PCDHGA1: variants seen among roughly 807,000 people sequenced by gnomAD.
PCDHGA1 encodes the protein protocadherin gamma-A1.
Under a neutral mutation model 58.0 loss-of-function variants are expected in PCDHGA1, and 32 were observed. The observed-to-expected ratio is 0.55, with a 90% CI of 0.42 to 0.74. PCDHGA1 has a LOEUF of 0.74. Among genes scored for constraint, PCDHGA1 ranks in the 30% least tolerant of loss-of-function variants. PCDHGA1 has a pLI of 0.00. For missense variants in PCDHGA1, 1,205 were observed against 1,182.3 expected (o/e 1.02, Z -0.28); for synonymous variants, 498 against 501.1 (o/e 0.99, Z 0.08).
At chr5:141,351,111 G>A in intron 1 of PCDHGA1, 1 of 1,614,030 alleles carries the variant, frequency 6.2e-7, no homozygotes. Flanking sequence ...TCCCCAATAA[G>A]TACCAGCCTC....
chr5:141,418,095 C>T, intron 1 of PCDHGA1: 1 of 1,614,006 alleles, frequency 6.2e-7, no homozygotes, highest in Non-Finnish European at 8.5e-7. Context: ...AGCGTAGACG[C>T]GCAGAGCGGG....
At chr5:141,400,165 C>T (rs749867110) in intron 1 of PCDHGA1, 2 of 1,614,040 alleles carry the variant, frequency 1.2e-6, no homozygotes, top group South Asian at 2.2e-5. Flanking sequence ...ACCCTCTGAC[C>T]CCCAGGCTGA....
Position 141,372,614 on chromosome 5 carries a change from C to A in PCDHGA1, c.2421+39509C>A, listed in dbSNP as rs759304946. 6.2e-6 allele frequency: 10 copies of A among 1,613,984 alleles called. No individual in the cohort carries two copies. The South Asian group carries it at 8.8e-5, about 14-fold the overall frequency. On this transcript the variant is annotated intron_variant, in intron 1 of 3. Coordinates refer to ENST00000517417, the MANE Select transcript of PCDHGA1 (RefSeq NM_018912.3). Reference sequence around the variant, plus strand: ...GCTTCAAGACTGTACCTGGAGTTCTCCCCACCTACAGCGAAAGGACTTTGC... The same window carrying A: ...GCTTCAAGACTGTACCTGGAGTTCTACCCACCTACAGCGAAAGGACTTTGC...
At chr5:141,369,250 A>G (rs536586980) in intron 1 of PCDHGA1, among the ~76,000 whole-genome samples, 86 of 152,320 alleles carry the variant, frequency 5.6e-4, no homozygotes, top group African/African-American at 2.0e-3. Context: ...ATAATTAAAT[A>G]ATATAATTAT....
chr5:141,331,939 A>G lies in PCDHGA1; in HGVS notation c.1255A>G (p.Asn419Asp), dbSNP rs759428451. 6.2e-7 allele frequency: 1 copy of G among 1,614,072 alleles called. No individual in the cohort carries two copies. Among genetic ancestry groups the G allele is most frequent in the East Asian group, 2.2e-5 (1 of 44,894 alleles). Residue 419 changes from asparagine (N) to aspartate (D), a missense_variant, in exon 1 of 4, where the codon AAC becomes GAC. Asn to Asp is a conservative substitution (Grantham distance 23). Coordinates refer to ENST00000517417, the MANE Select transcript of PCDHGA1 (RefSeq NM_018912.3). Reference protein sequence around the residue: ...TLDRELISGYNITITAIDQGT... With the variant: ...TLDRELISGYDITITAIDQGT... Reference sequence around the variant, plus strand: ...GGACAGAGAACTTATCTCTGGGTACAACATCACAATAACAGCAATAGACCA... The same window carrying G: ...GGACAGAGAACTTATCTCTGGGTACGACATCACAATAACAGCAATAGACCA...
chr5:141,495,424 A>C (rs927637242), intron 2 of PCDHGA1, among the ~76,000 whole-genome samples: 1 of 152,088 alleles, frequency 6.6e-6, no homozygotes, highest in African/African-American at 2.4e-5. Context: ...CCCTCCTCCC[A>C]CTGTCCTCTG....
intron 1 of PCDHGA1, chr5:141,383,705 T>A: frequency 1.2e-6 from 2 of 1,614,020 alleles, no homozygotes; most frequent in Non-Finnish European, 1.7e-6. Flanking sequence ...GCTATCGACC[T>A]GGACGAGGGA....
At chr5:141,464,415 C>A (rs1185416197) in intron 1 of PCDHGA1, among the ~76,000 whole-genome samples, 2 of 150,854 alleles carry the variant, frequency 1.3e-5, no homozygotes, top group Admixed American at 6.6e-5. Context: ...ATATATATAT[C>A]TATATATATA....
intron 2 of PCDHGA1, among the ~76,000 whole-genome samples, chr5:141,502,139 C>T (rs923501238): frequency 6.6e-6 from 1 of 152,104 alleles, no homozygotes; most frequent in African/African-American, 2.4e-5. Flanking sequence ...TCAGTCGGGC[C>T]GGAAGTAAGG....
At chr5:141,471,571 A>G (rs1417147609) in intron 1 of PCDHGA1, 1 of 152,224 alleles carries the variant, frequency 6.6e-6, no homozygotes, top group African/African-American at 2.4e-5. Context: ...GGGTAGCAGT[A>G]GATAGGGTAA....
chr5:141,435,733 T>C (rs950139563), intron 1 of PCDHGA1, among the ~76,000 whole-genome samples: 12 of 152,208 alleles, frequency 7.9e-5, no homozygotes, highest in African/African-American at 2.7e-4. Context: ...AGTGTATTAC[T>C]CTTTGAAAAG....
chr5:141,497,693 C>T (rs2099778709), intron 2 of PCDHGA1, among the ~76,000 whole-genome samples: 2 of 152,136 alleles, frequency 1.3e-5, no homozygotes, highest in Admixed American at 6.5e-5. Context: ...GTGTGCACCA[C>T]CACACCCAGC....
chr5:141,428,454 C>A, intron 1 of PCDHGA1: 1 of 365,394 alleles, frequency 2.7e-6, no homozygotes, highest in Non-Finnish European at 5.2e-6. Context: ...TTTTTCCCAA[C>A]TACAATGAGG....
intron 1 of PCDHGA1, among the ~76,000 whole-genome samples, chr5:141,473,431 G>T (rs541546681): frequency 3.3e-5 from 5 of 152,148 alleles, no homozygotes; most frequent in Non-Finnish European, 7.3e-5. Flanking sequence ...CAGATACTTT[G>T]CTTATGCAAA....
At chr5:141,460,993 A>T (rs1230217075) in intron 1 of PCDHGA1, among the ~76,000 whole-genome samples, 1 of 143,898 alleles carries the variant, frequency 6.9e-6, no homozygotes, top group South Asian at 2.2e-4. Flanking sequence ...GTATATATAT[A>T]TATGTGTATA....
At position 141,332,908 on chromosome 5, in the gene PCDHGA1, G is replaced by C; in HGVS notation, c.2224G>C (p.Gly742Arg). 1.9e-6 allele frequency: 3 copies of C among 1,614,214 alleles called. No individual in the cohort carries two copies. Among genetic ancestry groups the C allele is most frequent in the Non-Finnish European group, 2.5e-6 (3 of 1,180,034 alleles). Residue 742 changes from glycine (G) to arginine (R), a missense_variant, in exon 1 of 4, where the codon GGC becomes CGC. Coordinates refer to ENST00000517417, the MANE Select transcript of PCDHGA1 (RefSeq NM_018912.3). This position sits in a 1 kb window ranked among gnomAD's most constrained non-coding sequence, Gnocchi z 4.6. ...LASMPGSHFV[G>R]VDGVRAFLQT... ...GAGCATGCCCGGTTCGCACTTTGTG[G>C]GCGTGGACGGGGTTCGGGCTTTCCT...
intron 1 of PCDHGA1, chr5:141,392,647 C>A: frequency 1.5e-6 from 1 of 685,816 alleles, no homozygotes; most frequent in Non-Finnish European, 2.3e-6. Flanking sequence ...CTCACGAAGA[C>A]CCGCAGATGC....
chr5:141,423,058 A>T (rs1235938743), intron 1 of PCDHGA1: 1 of 1,614,022 alleles, frequency 6.2e-7, no homozygotes, highest in Non-Finnish European at 8.5e-7. Context: ...TCGCCTGCTT[A>T]AGGCCAGCGA....
chr5:141,351,826 C>A lies in PCDHGA1; in HGVS notation c.2421+18721C>A. The stretch of plus-strand genomic sequence containing the variant: ...GCGCCTTCGACCACGAGCAGCTGCG[C>A]GCCTTCGAGCTCACACTGCAGGCCA... On this transcript the variant is annotated intron_variant, in intron 1 of 3. Transcript: ENST00000517417. 6 of 1,613,200 alleles carry A rather than the reference C, an allele frequency of 3.7e-6. No homozygotes were observed. In the African/African-American group the frequency reaches 4.0e-5, roughly 11 times the overall value.
Sources: allele counts gnomAD v4.1 joint callset (sites outside exome capture counted in the v4.1 genomes callset), GRCh38; gene constraint gnomAD v4.1.1; non-coding constraint Gnocchi (gnomAD v3.1); transcripts MANE v1.5; gene names NCBI Gene and HGNC (gene_info 2026-07-23, HGNC 2026-07-21).